Variants in ADGRF1 observed in about 807,000 individuals in gnomAD.
ADGRF1 encodes the protein G protein-coupled receptor 110.
In ADGRF1, 85 loss-of-function variants were observed where a neutral mutation model predicts 87.2. The observed-to-expected ratio is 0.97, with a 90% CI of 0.82 to 1.17. The LOEUF (loss-of-function observed/expected upper bound fraction) is 1.17, where lower values mean the gene tolerates loss of function less well. ADGRF1 is among the 50% of genes most tolerant of loss of function. The probability of loss-of-function intolerance (pLI) is 0.00; values close to 1 mark genes in which losing one functional copy is unlikely to be tolerated. For missense variants in ADGRF1, 1,169 were observed against 1,077.2 expected (o/e 1.09, Z -1.19); for synonymous variants, 430 against 408.8 (o/e 1.05, Z -0.63).
rs1779628351 is a variant in ADGRF1, at chr6:47,009,415, A to G, written c.2020T>C (p.Trp674Arg). ...AGCAGGATGCCAAGCATGAGCATCCAGAAGAACAAAGAGAGGTAGAAGAAG... is the reference window on the plus strand; with the variant it reads ...AGCAGGATGCCAAGCATGAGCATCCGGAAGAACAAAGAGAGGTAGAAGAAG... ...THFFYLSLFF[W>R]MLMLGILLAY... The change falls in exon 11 of 15, where the codon TGG becomes CGG. Residue 674 changes from tryptophan to arginine, a missense_variant. By Grantham distance (101) the Trp-to-Arg change is moderately radical. Transcript: ENST00000371253. 1 of 1,613,904 alleles carries G rather than the reference A, an allele frequency of 6.2e-7. No homozygotes were observed. Among genetic ancestry groups the G allele is most frequent in the Admixed American group, 1.7e-5 (1 of 59,956 alleles).
At position 47,009,032 on chromosome 6, in the gene ADGRF1, C is replaced by A; in HGVS notation, c.2403G>T (p.Gly801=). The change falls in exon 11 of 15, where the codon GGG becomes GGT. Residue 801 remains glycine, a synonymous_variant. Coordinates refer to ENST00000371253, the MANE Select transcript of ADGRF1 (RefSeq NM_153840.4). The part of the protein sequence containing the change: ...KSLLILTPLL[G]LTWGFGIGTI... ...TTCCTATTCCAAAGCCCCAGGTGAGCCCTAGCAGAGGGGTCAGAATGAGGA... is the reference window on the plus strand; with the variant it reads ...TTCCTATTCCAAAGCCCCAGGTGAGACCTAGCAGAGGGGTCAGAATGAGGA... 1.2e-6 allele frequency: 2 copies of A among 1,614,044 alleles called. No individual in the cohort carries two copies. The highest frequency in any genetic ancestry group is 1.7e-6 in the Non-Finnish European group (2 of 1,179,996).
chr6:47,021,833 G>C (rs377486929), intron 6 of ADGRF1, 125 bp downstream of exon 6: 186 of 609,326 alleles, frequency 3.1e-4, no homozygotes, highest in African/African-American at 2.8e-3. Flanking sequence ...GCAAATAACT[G>C]TTTTGTTATT....
chr6:47,034,824 C>A (rs886350602), intron 1 of ADGRF1, among the ~76,000 whole-genome samples: 1 of 152,164 alleles, frequency 6.6e-6, no homozygotes, highest in Non-Finnish European at 1.5e-5. Flanking sequence ...GATCCTTTTC[C>A]ATCCCAGAAT....
At chr6:47,008,290 G>C (rs1285905024) in intron 11 of ADGRF1, among the ~76,000 whole-genome samples, 2 of 152,172 alleles carry the variant, frequency 1.3e-5, no homozygotes, top group Non-Finnish European at 2.9e-5. Context: ...CCTAATGATT[G>C]CTTTGTCCAC....
At chr6:47,020,095 A>G in intron 7 of ADGRF1, 3 of 1,017,334 alleles carry the variant, frequency 2.9e-6, no homozygotes, top group Non-Finnish European at 3.5e-6. Context: ...ACTTTTTCCC[A>G]TCCACTGTCA....
chr6:47,017,457 G>A (rs1180415792), intron 7 of ADGRF1: 2 of 152,206 alleles, frequency 1.3e-5, no homozygotes, highest in Non-Finnish European at 2.9e-5. Flanking sequence ...GGGTAGCTAT[G>A]CATGTGGTCA....
Position 47,000,322 on chromosome 6 carries a change from T to C in ADGRF1, c.2660-27A>G, listed in dbSNP as rs373308093. The C allele has an allele frequency of 9.2e-6, 14 of 1,519,318 alleles. No homozygotes were observed. In the African/African-American group the frequency reaches 1.5e-4, roughly 16 times the overall value. The allele number at this position is 1,519,318 out of a possible 1,614,324, so 94.1% of individuals were successfully genotyped here. On this transcript the variant is annotated intron_variant, in intron 14 of 14. Coordinates refer to ENST00000371253, the MANE Select transcript of ADGRF1 (RefSeq NM_153840.4). Reference sequence around the variant, plus strand: ...TGAAGGGGAAAAAAAAAGGAAATAATTATTGTTACTCTGTTGAAATCAAGC... The same window carrying C: ...TGAAGGGGAAAAAAAAAGGAAATAACTATTGTTACTCTGTTGAAATCAAGC...
intron 1 of ADGRF1, among the ~76,000 whole-genome samples, chr6:47,035,958 C>T (rs1254927058): frequency 7.2e-5 from 11 of 152,080 alleles, no homozygotes; most frequent in Admixed American, 6.5e-4. Flanking sequence ...GGGCTGGGCG[C>T]GATGGCTCAA....
intron 11 of ADGRF1, among the ~76,000 whole-genome samples, chr6:47,007,883 C>T (rs150388655): frequency 1.6e-4 from 25 of 152,362 alleles, no homozygotes; most frequent in Middle Eastern, 3.4e-3. Context: ...AAGCTTGTCA[C>T]TGCTAGGGGC....
chr6:47,029,348 C>A (rs927546921), intron 1 of ADGRF1, among the ~76,000 whole-genome samples: 1 of 151,656 alleles, frequency 6.6e-6, no homozygotes, highest in Middle Eastern at 3.4e-3. Flanking sequence ...TGGTATCTGA[C>A]TAAACACAGG....
chr6:47,026,029 C>T, intron 3 of ADGRF1, 26 bp from the exon 4 acceptor site: 1 of 1,541,482 alleles, frequency 6.5e-7, no homozygotes. Flanking sequence ...GAGTCAGAAA[C>T]CTTTTTTTCT....
chr6:47,005,821 T>A lies in ADGRF1; in HGVS notation c.2588A>T (p.Glu863Val). ...LSALSSWKQT[E>V]KQNSSDLSAK... ...ATGGCAGTAGGAGATAATTACCTTT[T>A]CTGTTTGCTTCCAAGAACTTAAGGC... Residue 863 changes from glutamate (E) to valine (V), a missense_variant, in exon 13 of 15, where the codon GAA (glutamate) becomes GTA (valine). By Grantham distance (121) the Glu-to-Val change is moderately radical. Coordinates refer to ENST00000371253, the MANE Select transcript of ADGRF1 (RefSeq NM_153840.4). 6.2e-7 allele frequency: 1 copy of A among 1,609,976 alleles called. No individual in the cohort carries two copies. The highest frequency in any genetic ancestry group is 8.5e-7 in the Non-Finnish European group (1 of 1,177,664).
At chr6:47,018,742 C>A in intron 7 of ADGRF1, 1 of 290,016 alleles carries the variant, frequency 3.4e-6, no homozygotes, top group Non-Finnish European at 6.4e-6. Flanking sequence ...TGAAACCCTT[C>A]TTTATTTTTT....
At chr6:47,001,780 T>C in intron 13 of ADGRF1, 1 of 455,122 alleles carries the variant, frequency 2.2e-6, no homozygotes, top group Non-Finnish European at 3.9e-6. Context: ...GTGAATGCTG[T>C]GTTCCTGTGT....
intron 1 of ADGRF1, among the ~76,000 whole-genome samples, chr6:47,031,481 C>A (rs1023269725): frequency 6.6e-6 from 1 of 151,952 alleles, no homozygotes; most frequent in Admixed American, 6.6e-5. Context: ...TGTGGGAAAG[C>A]CTTCTCTCAT....
chr6:47,000,511 T>C (rs982109704), intron 14 of ADGRF1, among the ~76,000 whole-genome samples: 1 of 152,182 alleles, frequency 6.6e-6, no homozygotes, highest in Non-Finnish European at 1.5e-5. Context: ...TTGAGAAATA[T>C]CATGTTTTTC....
At position 47,009,072 on chromosome 6, in the gene ADGRF1, C is replaced by A. The variant is rs771305430; in HGVS notation, c.2363G>T (p.Arg788Leu). Reference sequence around the variant, plus strand: ...CAGAATGAGGAGGCTCTTCCCCACGCGGATGATGGTGGCCTTGTCATCCCG... The same window carrying A: ...CAGAATGAGGAGGCTCTTCCCCACGAGGATGATGGTGGCCTTGTCATCCCG... ...LSRDDKATII[R>L]VGKSLLILTP... The change falls in exon 11 of 15, where the codon CGC becomes CTC. Residue 788 changes from arginine (R) to leucine (L), a missense_variant. Arg to Leu is a moderately radical substitution (Grantham distance 102). Transcript: ENST00000371253. 8 of 1,614,078 alleles carry A rather than the reference C, an allele frequency of 5.0e-6. No individual in the cohort carries two copies. The highest frequency in any genetic ancestry group is 1.1e-5 in the South Asian group (1 of 91,074).
intron 1 of ADGRF1, among the ~76,000 whole-genome samples, chr6:47,034,375 T>C (rs1780527380): frequency 6.6e-6 from 1 of 152,252 alleles, no homozygotes; most frequent in Non-Finnish European, 1.5e-5. Flanking sequence ...GGTTATTAAA[T>C]TCTTTAACAT....
chr6:47,005,704 G>T (rs1301845180), intron 13 of ADGRF1, 113 bp downstream of exon 13: 4 of 657,704 alleles, frequency 6.1e-6, no homozygotes, highest in South Asian at 2.1e-5. Flanking sequence ...ATATAATGGT[G>T]AAAGAAATTC....
Sources: allele counts gnomAD v4.1 joint callset (sites outside exome capture counted in the v4.1 genomes callset), GRCh38; gene constraint gnomAD v4.1.1; transcripts MANE v1.5; gene names NCBI Gene and HGNC (gene_info 2026-07-23, HGNC 2026-07-21).